Variants in DOCK1 observed in about 807,000 individuals in gnomAD.
DOCK1 encodes dedicator of cytokinesis protein 1.
A neutral mutation model predicts 262.7 loss-of-function variants in DOCK1; 138 were observed. The observed-to-expected ratio is 0.53, with a 90% CI of 0.46 to 0.61. The LOEUF is 0.61. DOCK1 is among the 20% of genes least tolerant of loss of function. The pLI, the probability that DOCK1 is intolerant of heterozygous loss-of-function variation, is 0.00. For synonymous variants in DOCK1, 866 were observed against 867.4 expected (o/e 1.00, Z 0.03); for missense variants, 1,908 against 2,370.7 (o/e 0.80, Z 4.05).
chr10:127,072,908 T>G (rs2046315321), intron 23 of DOCK1, among the ~76,000 whole-genome samples: 1 of 152,214 alleles, frequency 6.6e-6, no homozygotes, highest in South Asian at 2.1e-4. Context: ...CTGGCTCTTG[T>G]CTGGCTTCTT....
chr10:127,221,574 G>A (rs952216591), intron 27 of DOCK1, among the ~76,000 whole-genome samples: 3 of 152,154 alleles, frequency 2.0e-5, no homozygotes, highest in African/African-American at 7.2e-5. Context: ...TTCAGTGTCA[G>A]CTACTTTTAT....
Position 127,026,379 on chromosome 10 carries a change from C to T in DOCK1, c.1579C>T (p.Arg527Cys), listed in dbSNP as rs762048054. The T allele has an allele frequency of 1.7e-5, 26 of 1,574,858 alleles. No individual in the cohort carries two copies. The highest frequency in any genetic ancestry group is 1.1e-4 in the Admixed American group (6 of 54,608). ...KVAIPIEDVN[R>C]SHLRFTFRHR... ...GGCCATTCCCATCGAGGACGTTAACCGCAGTCACCTTCGGTTTACCTTCCG... is the reference window on the plus strand; with the variant it reads ...GGCCATTCCCATCGAGGACGTTAACTGCAGTCACCTTCGGTTTACCTTCCG... The change falls in exon 16 of 52, where the codon CGC (arginine) becomes TGC (cysteine). Residue 527 changes from arginine (R) to cysteine (C), a missense_variant. Around this residue, in one of 9 missense-constraint regions of DOCK1, gnomAD observed 294 missense variants for 439.9 expected, o/e 0.67. Transcript: ENST00000623213.
chr10:127,117,564 C>T (rs187397562), intron 25 of DOCK1, among the ~76,000 whole-genome samples: 11 of 152,260 alleles, frequency 7.2e-5, no homozygotes, highest in African/African-American at 2.6e-4. Context: ...TAGTTTTTCT[C>T]TTCTTTCTGT....
chr10:127,021,650 C>G (rs1328465892), intron 13 of DOCK1, among the ~76,000 whole-genome samples: 2 of 152,148 alleles, frequency 1.3e-5, no homozygotes, highest in Non-Finnish European at 2.9e-5. Flanking sequence ...TGCACCTGCC[C>G]CTCGTCCTGT....
At position 127,243,871 on chromosome 10, in the gene DOCK1, A is replaced by G. The variant is rs565234134; in HGVS notation, c.2848-4137A>G. 2.0e-5 allele frequency among the ~76,000 whole-genome samples: 3 copies of G among 152,258 alleles called. No individual in the cohort carries two copies. In the South Asian group the frequency reaches 6.2e-4, roughly 32 times the overall value. On this transcript the variant is annotated intron_variant, in intron 27 of 51. Transcript: ENST00000623213. ...ATTAACATACTTTCTCTTTATAAAA[A>G]CAATCTGGGCTTAGTCTCCCTCCAC...
intron 27 of DOCK1, among the ~76,000 whole-genome samples, chr10:127,152,097 G>A (rs1036097590): frequency 1.3e-5 from 2 of 152,110 alleles, no homozygotes; most frequent in South Asian, 4.1e-4. Context: ...TACCCTGGAT[G>A]TCTTGACTCA....
chr10:127,368,641 C>T (rs1325247970), intron 33 of DOCK1, among the ~76,000 whole-genome samples: 2 of 152,032 alleles, frequency 1.3e-5, no homozygotes, highest in African/African-American at 2.4e-5. Context: ...GGGGTCTTCG[C>T]GCCCCTTATC....
intron 1 of DOCK1, among the ~76,000 whole-genome samples, chr10:126,943,742 T>C (rs918831768): frequency 8.5e-5 from 13 of 152,142 alleles, no homozygotes; most frequent in Middle Eastern, 3.4e-3. Flanking sequence ...GAAGCGGCTT[T>C]TTAAATAGGT....
rs1392285641 is a variant in DOCK1 at position 127,250,829 on chromosome 10, T to C, written c.2949+2720T>C. On this transcript the variant is annotated intron_variant, in intron 28 of 51. Transcript: ENST00000623213. Reference sequence around the variant, plus strand: ...AAAAAAAAAAAAAAAAAAATGACGTTTGTGGTTTTTTATACCACAAATTTA... The same window carrying C: ...AAAAAAAAAAAAAAAAAAATGACGTCTGTGGTTTTTTATACCACAAATTTA... Among the ~76,000 whole-genome samples the C allele has an allele frequency of 2.7e-5, 4 of 149,524 alleles. No individual in the cohort carries two copies. The East Asian group carries it at 7.8e-4, about 29-fold the overall frequency.
rs1458588876 is a variant in DOCK1, at chr10:127,444,169, A to G, written c.5303A>G (p.Asn1768Ser). ...CAGAGACCGAAGAGCCAGGTGATGA[A>G]CGTCATTGGAAGCGAAAGGCGCTTC... Reference protein sequence around the residue: ...RPQRPKSQVMNVIGSERRFSV... With the variant: ...RPQRPKSQVMSVIGSERRFSV... Residue 1768 changes from asparagine (N) to serine (S), a missense_variant, in exon 50 of 52, where the codon AAC (asparagine) becomes AGC (serine). Around this residue, in one of 9 missense-constraint regions of DOCK1, gnomAD observed 383 missense variants for 420.1 expected, o/e 0.91. Coordinates refer to ENST00000623213, the MANE Select transcript of DOCK1 (RefSeq NM_001290223.2). The G allele has an allele frequency of 1.9e-6, 3 of 1,592,892 alleles. No individual in the cohort carries two copies. The South Asian group carries it at 3.5e-5, about 18-fold the overall frequency.
intron 6 of DOCK1, 117 bp downstream of exon 6, chr10:126,990,720 G>A: frequency 1.6e-6 from 2 of 1,253,472 alleles, no homozygotes; most frequent in Non-Finnish European, 2.2e-6. Context: ...TACCATCAAA[G>A]TAATGGCATG....
chr10:126,967,142 C>T (rs991597900), intron 1 of DOCK1, among the ~76,000 whole-genome samples: 45 of 152,234 alleles, frequency 3.0e-4, no homozygotes, highest in African/African-American at 2.9e-4. Context: ...CAAAACTGAG[C>T]GATCAGCAAA....
chr10:127,184,339 C>G (rs1261024880), intron 27 of DOCK1, among the ~76,000 whole-genome samples: 4 of 145,568 alleles, frequency 2.7e-5, no homozygotes, highest in African/African-American at 1.1e-4. Flanking sequence ...TCCCCCAAAT[C>G]AGTCGTCACC....
intron 23 of DOCK1, among the ~76,000 whole-genome samples, chr10:127,066,002 C>A (rs1047942095): frequency 2.0e-5 from 3 of 152,098 alleles, no homozygotes; most frequent in African/African-American, 7.2e-5. Context: ...TGTTTCCTCA[C>A]CATCTCAGAT....
rs530020768 is a variant in DOCK1, at chr10:127,138,662, G to A, written c.2847+10898G>A. On this transcript the variant is annotated intron_variant, in intron 27 of 51. Transcript: ENST00000623213. ...TAACCACAGTTTCTTTGGGAGAAGC[G>A]TGGGGAGTGTTCAGTAAAGACAACA... Among the ~76,000 whole-genome samples, 148 of 152,248 alleles carry A rather than the reference G, an allele frequency of 9.7e-4. 1 individual carries two copies. Among genetic ancestry groups the A allele is most frequent in the African/African-American group, 3.3e-3 (138 of 41,548 alleles).
At chr10:127,111,855 G>T (rs1358970442) in intron 25 of DOCK1, among the ~76,000 whole-genome samples, 1 of 152,126 alleles carries the variant, frequency 6.6e-6, no homozygotes, top group Non-Finnish European at 1.5e-5. Context: ...GTTGTAAATT[G>T]TCGATGAATT....
At chr10:126,955,625 G>T (rs2036672041) in intron 1 of DOCK1, among the ~76,000 whole-genome samples, 1 of 152,098 alleles carries the variant, frequency 6.6e-6, no homozygotes. Context: ...GTGGTTCCCA[G>T]AAGGCCCAGA....
intron 51 of DOCK1, among the ~76,000 whole-genome samples, chr10:127,449,940 A>G (rs1166291511): frequency 6.6e-6 from 1 of 152,176 alleles, no homozygotes; most frequent in African/African-American, 2.4e-5. Flanking sequence ...CATACTTGGC[A>G]TAGAGGTCAT....
intron 1 of DOCK1, among the ~76,000 whole-genome samples, chr10:126,952,245 G>A (rs2036315698): frequency 6.6e-6 from 1 of 152,024 alleles, no homozygotes; most frequent in East Asian, 1.9e-4. Context: ...AGTGTTGTAG[G>A]TGATGGTGAT....
Sources: gnomAD v4.1 joint callset for allele counts (sites outside exome capture counted in the v4.1 genomes callset) on GRCh38, gnomAD v4.1.1 for gene constraint, gnomAD v4.1.1 regional missense constraint, MANE v1.5 for transcripts, NCBI Gene and HGNC (gene_info 2026-07-23, HGNC 2026-07-21) for gene names.